HMCN2: variants seen among roughly 807,000 people sequenced by gnomAD.
HMCN2 encodes hemicentin 2, also known as hemicentin-2.
HMCN2 carries 325 observed loss-of-function variants against 377.5 expected under a neutral mutation model. The ratio of observed to expected loss-of-function variants is 0.86; its 90% CI spans 0.79 to 0.94. The LOEUF (loss-of-function observed/expected upper bound fraction) is 0.94, where lower values mean the gene tolerates loss of function less well. Ranked by LOEUF, HMCN2 falls within the 40% of genes least tolerant of loss-of-function variation. HMCN2 has a pLI of 0.00. For missense variants in HMCN2, 4,543 were observed against 4,725.3 expected (o/e 0.96, Z 1.13); for synonymous variants, 2,007 against 2,046.8 (o/e 0.98, Z 0.53).
chr9:130,336,071 G>A lies in HMCN2; in HGVS notation c.3360-1823G>A, dbSNP rs954914717. 3.5e-3 allele frequency among the ~76,000 whole-genome samples: 532 copies of A among 152,184 alleles called. 11 individuals are homozygous for A. The highest frequency in any genetic ancestry group is 7.5e-3 in the East Asian group (39 of 5,182). On this transcript the variant is annotated intron_variant, in intron 22 of 97. Transcript: ENST00000683500. ...GCCTGTAGCCCAGGAGACCTGCTCC[G>A]GTGCATGTGAGACACATAGAGCAGT... is the stretch of plus-strand genomic sequence containing the variant.
chr9:130,392,205 G>A, intron 66 of HMCN2, 87 bp downstream of exon 66: 2 of 937,528 alleles, frequency 2.1e-6, no homozygotes, highest in Non-Finnish European at 2.6e-6. Context: ...CTGGAAGCCA[G>A]GACTGGCTGC....
chr9:130,392,104 T>C lies in HMCN2; in HGVS notation c.10122T>C (p.Ser3374=). 1.0e-6 allele frequency: 1 copy of C among 988,314 alleles called. No homozygotes were observed. The highest frequency in any genetic ancestry group is 1.2e-6 in the Non-Finnish European group (1 of 830,308). 61.2% of individuals were successfully genotyped at this position (988,314 alleles called of 1,614,324 possible). Residue 3374 remains serine, a synonymous_variant, in exon 66 of 98, where the codon TCT becomes TCC. Coordinates refer to ENST00000683500, the MANE Select transcript of HMCN2 (RefSeq NM_001291815.2). The part of the protein sequence containing the change: ...PLSQRTLLHG[S]GHTLRISKVQ... ...CCCAGCGCACCCTCCTCCACGGCTC[T>C]GGCCACACCCTCAGGTAGGGGAGAC...
intron 53 of HMCN2, 79 bp downstream of exon 53, chr9:130,377,878 A>G: frequency 1.0e-6 from 1 of 952,786 alleles, no homozygotes; most frequent in Non-Finnish European, 1.3e-6. Flanking sequence ...GCAGGCCCCC[A>G]CCATGTGTCC....
chr9:130,326,785 C>T (rs1366916078), intron 21 of HMCN2, among the ~76,000 whole-genome samples: 1 of 152,004 alleles, frequency 6.6e-6, no homozygotes, highest in Non-Finnish European at 1.5e-5. Flanking sequence ...AGGAAGGGTA[C>T]CATGCTGTTT....
chr9:130,303,067 G>A lies in HMCN2; in HGVS notation c.1421+66G>A, dbSNP rs1483692157. 2.5e-6 allele frequency: 1 copy of A among 396,014 alleles called. No individual in the cohort carries two copies. The highest frequency in any genetic ancestry group is 7.5e-5 in the East Asian group (1 of 13,380). 24.5% of individuals were successfully genotyped at this position (396,014 alleles called of 1,614,324 possible). On this transcript the variant is annotated intron_variant, in intron 9 of 97. Transcript: ENST00000683500. The surrounding 1 kb of genome is among the most constrained non-coding windows in gnomAD (Gnocchi z 5.2). ...CTCCTGGCTGCTGAGGCCCTGGAGG[G>A]ATCTCAGGGGAGTGGGTGGCAGGAG...
chr9:130,397,883 T>C (rs1458925858), intron 74 of HMCN2, among the ~76,000 whole-genome samples: 3 of 151,832 alleles, frequency 2.0e-5, no homozygotes, highest in Non-Finnish European at 4.4e-5. Context: ...TAAGAAACCA[T>C]GTACAAAAGG....
At chr9:130,359,256 C>A in intron 36 of HMCN2, 63 bp from the exon 37 acceptor site, 2 of 913,324 alleles carry the variant, frequency 2.2e-6, no homozygotes, top group Non-Finnish European at 3.1e-6. Flanking sequence ...GCTGGGATGG[C>A]TGGGATTAGA....
intron 36 of HMCN2, among the ~76,000 whole-genome samples, 199 bp downstream of exon 36, chr9:130,358,685 T>TA (rs1251244446): frequency 1.3e-5 from 2 of 152,062 alleles, no homozygotes; most frequent in African/African-American, 2.4e-5. Context: ...GGGATTTTTT[T>TA]TTTTTTGAGA....
chr9:130,401,932 C>G (rs1842868748), intron 77 of HMCN2, among the ~76,000 whole-genome samples: 1 of 152,052 alleles, frequency 6.6e-6, no homozygotes, highest in Non-Finnish European at 1.5e-5. Context: ...TAAAAATTAG[C>G]TGGGTGCGGT....
chr9:130,369,907 G>A lies in HMCN2; in HGVS notation c.7069+56G>A, dbSNP rs891403543. On this transcript the variant is annotated intron_variant, in intron 45 of 97. Transcript: ENST00000683500. The surrounding 1 kb of genome is among the most constrained non-coding windows in gnomAD (Gnocchi z 4.5). ...GCTGGGGCAGATTAGAGTGGGCAAG[G>A]TGGGTTCAATCTCCAGGCACGGCCC... 4.1e-6 allele frequency: 4 copies of A among 965,926 alleles called. No homozygotes were observed. In the African/African-American group the frequency reaches 7.0e-5, roughly 17 times the overall value. 59.8% of individuals were successfully genotyped at this position (965,926 alleles called of 1,614,324 possible).
At chr9:130,288,572 G>T (rs1554928839) in intron 4 of HMCN2, among the ~76,000 whole-genome samples, 2 of 152,222 alleles carry the variant, frequency 1.3e-5, no homozygotes, top group Non-Finnish European at 2.9e-5. Context: ...CCCAGAAGTT[G>T]CAAAAGGCTC....
chr9:130,371,514 A>G (rs1259148096), intron 46 of HMCN2, among the ~76,000 whole-genome samples: 2 of 152,180 alleles, frequency 1.3e-5, no homozygotes, highest in Non-Finnish European at 1.5e-5. Flanking sequence ...CTGAATATTT[A>G]TCCTCCTCAT....
intron 15 of HMCN2, among the ~76,000 whole-genome samples, chr9:130,312,419 C>T (rs1837291167): frequency 1.3e-5 from 2 of 150,862 alleles, no homozygotes; most frequent in Admixed American, 6.6e-5. Context: ...TGGGCATTGT[C>T]ATCCTTTGCT....
At position 130,375,620 on chromosome 9, in the gene HMCN2, C is replaced by G; in HGVS notation, c.7688C>G (p.Thr2563Ser). ...EDSADEEVTVTVNNPISLICE... is the reference protein window; with the variant it reads ...EDSADEEVTVSVNNPISLICE... ...AGTGCAGATGAGGAGGTGACCGTGACTGTCAACAACCCCATCTCTCTGATC... is the reference window on the plus strand; with the variant it reads ...AGTGCAGATGAGGAGGTGACCGTGAGTGTCAACAACCCCATCTCTCTGATC... The change falls in exon 50 of 98, where the codon ACT becomes AGT. Residue 2563 changes from threonine to serine, a missense_variant. Transcript: ENST00000683500. 1.0e-6 allele frequency: 1 copy of G among 985,886 alleles called. No homozygotes were observed. Among genetic ancestry groups the G allele is most frequent in the Non-Finnish European group, 1.2e-6 (1 of 829,944 alleles). The allele number at this position is 985,886 out of a possible 1,614,324, so 61.1% of individuals were successfully genotyped here. A position where few individuals can be genotyped will look rare whatever the true frequency, so the allele number is the denominator to read the frequency against.
At chr9:130,395,857 T>A (rs1842581568) in intron 71 of HMCN2, 67 bp from the exon 72 acceptor site, 1 of 1,233,048 alleles carries the variant, frequency 8.1e-7, no homozygotes, top group African/African-American at 1.5e-5. Flanking sequence ...CTTCCACATC[T>A]GCTGCCGGGT....
chr9:130,385,502 G>A, intron 59 of HMCN2, 58 bp from the exon 60 acceptor site: 2 of 1,209,488 alleles, frequency 1.7e-6, no homozygotes, highest in Non-Finnish European at 2.2e-6. Flanking sequence ...CCCTGTGGCT[G>A]AGTGGGGAGG....
At chr9:130,279,708 T>A (rs1554924971) in intron 1 of HMCN2, among the ~76,000 whole-genome samples, 3 of 152,216 alleles carry the variant, frequency 2.0e-5, no homozygotes, top group African/African-American at 7.2e-5. Flanking sequence ...TTTCTGAAGT[T>A]GATTCTTGCT....
At chr9:130,388,154 G>T (rs1259093678) in intron 61 of HMCN2, among the ~76,000 whole-genome samples, 2 of 152,190 alleles carry the variant, frequency 1.3e-5, no homozygotes, top group Non-Finnish European at 2.9e-5. Context: ...AGTGATGTCT[G>T]CCCTGGCACA....
At position 130,408,763 on chromosome 9, in the gene HMCN2, G is replaced by T; in HGVS notation, c.12709G>T (p.Glu4237Ter). The change falls in exon 84 of 98, where the codon GAG becomes TAG. Residue 4237 changes from glutamate to a stop codon, truncating the protein, a stop_gained. Transcript: ENST00000683500. LOFTEE classifies it high-confidence loss of function. ...TGCAGAGGCTCCTGTCCTACAAGGG[G>T]AGGCTTTCTCCTACCTGGTGGAACC... ...HVKEAPVLQG[E>*]AFSYLVEPVG... The T allele has an allele frequency of 3.1e-6, 4 of 1,289,298 alleles. No individual in the cohort carries two copies. Among genetic ancestry groups the T allele is most frequent in the Non-Finnish European group, 4.0e-6 (4 of 988,536 alleles). 79.9% of individuals were successfully genotyped at this position (1,289,298 alleles called of 1,614,324 possible). A position where few individuals can be genotyped will look rare whatever the true frequency, so the allele number is the denominator to read the frequency against.
Sources: allele counts gnomAD v4.1 joint callset (sites outside exome capture counted in the v4.1 genomes callset), GRCh38; gene constraint gnomAD v4.1.1; non-coding constraint Gnocchi (gnomAD v3.1); transcripts MANE v1.5; gene names NCBI Gene and HGNC (gene_info 2026-07-23, HGNC 2026-07-21).